The following KCNK16 variants were observed in gnomAD, a reference collection of about 807,000 sequenced individuals.
KCNK16 encodes potassium channel subfamily K member 16.
In KCNK16, 23 loss-of-function variants were observed where a neutral mutation model predicts 23.0. The ratio of observed to expected loss-of-function variants is 1.00; its 90% CI spans 0.72 to 1.41. KCNK16 has a LOEUF of 1.41. Among genes scored for constraint, KCNK16 ranks in the 40% most tolerant of loss-of-function variants. The pLI is 0.00. For synonymous variants in KCNK16, 145 were observed against 153.5 expected, an observed-to-expected ratio of 0.94 and a Z score of 0.41; for missense variants, 327 against 365.8, an observed-to-expected ratio of 0.89 and a Z score of 0.87.
Position 39,319,244 on chromosome 6 carries a change from C to CA in KCNK16, c.214-112_214-111insT. The CA allele has an allele frequency of 1.4e-6, 1 of 692,524 alleles. No individual in the cohort carries two copies. Among genetic ancestry groups the CA allele is most frequent in the Non-Finnish European group, 2.6e-6 (1 of 379,872 alleles). The allele number at this position is 692,524 out of a possible 1,614,324, so 42.9% of individuals were successfully genotyped here. A position where few individuals can be genotyped will look rare whatever the true frequency, so the allele number is the denominator to read the frequency against. On this transcript the variant is annotated intron_variant, in intron 1 of 4. Transcript: ENST00000437525. The surrounding 1 kb of genome is among the most constrained non-coding windows in gnomAD (Gnocchi z 4.2). ...TTGTGTCATCTCATCTAATGATACT[C>CA]TTAGATGATATTGTTCCCATTTCAT...
At chr6:39,320,598 GTTC>G (rs1762479073) in intron 1 of KCNK16, among the ~76,000 whole-genome samples, 1 of 152,230 alleles carries the variant, frequency 6.6e-6, no homozygotes, top group Non-Finnish European at 1.5e-5. Context: ...TCACCCCAGT[GTTC>G]TTCTGCCACC....
chr6:39,315,351 T>A (rs1232623241), downstream of KCNK16: 1 of 1,551,746 alleles, frequency 6.4e-7, no homozygotes, highest in Non-Finnish European at 8.7e-7. Flanking sequence ...ATCTGCTGGC[T>A]CTCTGGCTTC....
intron 2 of KCNK16, among the ~76,000 whole-genome samples, chr6:39,318,485 C>T (rs986634027): frequency 2.0e-5 from 3 of 152,058 alleles, no homozygotes; most frequent in Non-Finnish European, 4.4e-5. Flanking sequence ...AGTTTTCTGG[C>T]CGAGGGGGTG....
At position 39,319,631 on chromosome 6, in the gene KCNK16, T is replaced by C. The variant is rs1385365516; in HGVS notation, c.214-498A>G. Among the ~76,000 whole-genome samples the C allele has an allele frequency of 6.6e-6, 1 of 152,124 alleles. No homozygotes were observed. Among genetic ancestry groups the C allele is most frequent in the African/African-American group, 2.4e-5 (1 of 41,408 alleles). ...TAATGGTGGGAAAGAGAGCCCTGTG[T>C]TCCCTAAGTGTCCAGGCGAGTGGGC... On this transcript the variant is annotated intron_variant, in intron 1 of 4. Transcript: ENST00000437525. This position sits in a 1 kb window ranked among gnomAD's most constrained non-coding sequence, Gnocchi z 4.2.
At chr6:39,314,722 A>C, downstream of KCNK16, 1 of 450,966 alleles carries the variant, frequency 2.2e-6, no homozygotes, top group Non-Finnish European at 3.9e-6. Context: ...GACCAACTTT[A>C]TTGTCTTGGG....
chr6:39,317,990 C>T (rs2113851951), intron 2 of KCNK16, 38 bp from the exon 3 acceptor site: 1 of 1,543,500 alleles, frequency 6.5e-7, no homozygotes, highest in East Asian at 2.3e-5. Flanking sequence ...TATGGAGACT[C>T]TAGAACGCCC....
chr6:39,322,227 G>A, intron 1 of KCNK16, 101 bp downstream of exon 1: 2 of 1,492,576 alleles, frequency 1.3e-6, no homozygotes, highest in Non-Finnish European at 1.8e-6. Context: ...TTCCAAATGG[G>A]GCATCAGCTC....
intron 4 of KCNK16, 33 bp downstream of exon 4, chr6:39,316,749 C>T: frequency 6.2e-7 from 1 of 1,600,474 alleles, no homozygotes. Flanking sequence ...TGGGCACCCC[C>T]ACCCTGAGAT....
chr6:39,317,293 G>C (rs10947806), intron 3 of KCNK16, among the ~76,000 whole-genome samples: 3,286 of 152,300 alleles, frequency 0.022, 96 homozygotes, highest in African/African-American at 0.069. Context: ...GCTGGCCAAG[G>C]GTGGGCACTG....
intron 1 of KCNK16, among the ~76,000 whole-genome samples, chr6:39,321,912 G>T (rs74617361): frequency 0.016 from 2,513 of 152,376 alleles, 57 homozygotes; most frequent in African/African-American, 0.057. Context: ...GGCAGAAGGA[G>T]CTGCAGCCCT....
rs745639482 is a variant in KCNK16, at chr6:39,319,167, G to T, written c.214-34C>A. ...GGTGGCATGGCAGGGGAGGAAGAAG[G>T]AGCTGATGGTTACTGGGCACCAGTT... On this transcript the variant is annotated intron_variant, in intron 1 of 4. Transcript: ENST00000437525. This position sits in a 1 kb window ranked among gnomAD's most constrained non-coding sequence, Gnocchi z 4.2. 7.6e-7 allele frequency: 1 copy of T among 1,308,260 alleles called. No individual in the cohort carries two copies. Among genetic ancestry groups the T allele is most frequent in the East Asian group, 2.3e-5 (1 of 43,436 alleles). The allele number at this position is 1,308,260 out of a possible 1,614,324, so 81.0% of individuals were successfully genotyped here.
At chr6:39,321,506 C>T (rs571818177) in intron 1 of KCNK16, among the ~76,000 whole-genome samples, 1 of 152,334 alleles carries the variant, frequency 6.6e-6, no homozygotes, top group South Asian at 2.1e-4. Flanking sequence ...TCATGACCAC[C>T]CTGCTTCCCA....
At chr6:39,318,246 CTT>C in intron 2 of KCNK16, among the ~76,000 whole-genome samples, 1 of 152,264 alleles carries the variant, frequency 6.6e-6, no homozygotes, top group Admixed American at 6.5e-5. Flanking sequence ...TAATTATCGA[CTT>C]TGTTTTCTAT....
At chr6:39,315,307 G>A (rs11753141), downstream of KCNK16, 790,205 of 1,556,072 alleles carry the variant, frequency 0.51, 205,942 homozygotes, top group African/African-American at 0.84. Context: ...GAGGCCAGAC[G>A]TTCATGGAGC....
At chr6:39,321,913 C>T (rs758368943) in intron 1 of KCNK16, among the ~76,000 whole-genome samples, 1 of 152,248 alleles carries the variant, frequency 6.6e-6, no homozygotes, top group Non-Finnish European at 1.5e-5. Context: ...GCAGAAGGAG[C>T]TGCAGCCCTG....
At chr6:39,317,297 G>C (rs1762354096) in intron 3 of KCNK16, among the ~76,000 whole-genome samples, 1 of 152,188 alleles carries the variant, frequency 6.6e-6, no homozygotes, top group African/African-American at 2.4e-5. Flanking sequence ...GCCAAGGGTG[G>C]GCACTGAGGG....
intron 4 of KCNK16, among the ~76,000 whole-genome samples, 157 bp from the exon 5 acceptor site, chr6:39,316,599 A>G (rs1762328275): frequency 1.3e-5 from 2 of 152,182 alleles, no homozygotes; most frequent in Non-Finnish European, 2.9e-5. Context: ...GATGGGTCCT[A>G]GACCAGAAAC....
At position 39,316,405 on chromosome 6, in the gene KCNK16, C is replaced by T; in HGVS notation, c.699G>A (p.Arg233=). 3.7e-6 allele frequency: 6 copies of T among 1,611,864 alleles called. No homozygotes were observed. The highest frequency in any genetic ancestry group is 5.1e-6 in the Non-Finnish European group (6 of 1,179,028). The change falls in exon 5 of 5, where the codon CGG becomes CGA. Residue 233 remains arginine (R), a synonymous_variant. Transcript: ENST00000437525. ...GGAGGATCCAGATGGCTGCCAGGCT[C>T]CGATACACTGAGATATAATGCTTGC... ...DPSKHYISVY[R]SLAAIWILLG... is the part of the protein sequence containing the mutation.
chr6:39,320,841 T>C (rs1762487849), intron 1 of KCNK16, among the ~76,000 whole-genome samples: 1 of 121,212 alleles, frequency 8.3e-6, no homozygotes, highest in South Asian at 2.3e-4. Flanking sequence ...AATGCAGAGC[T>C]GAGGGAGGAG....
Sources: gnomAD v4.1 joint callset for allele counts (sites outside exome capture counted in the v4.1 genomes callset) on GRCh38, gnomAD v4.1.1 for gene constraint, Gnocchi (gnomAD v3.1) non-coding constraint, MANE v1.5 for transcripts, NCBI Gene and HGNC (gene_info 2026-07-23, HGNC 2026-07-21) for gene names.